LATS1: variants seen among roughly 807,000 people sequenced by gnomAD.
LATS1 encodes the protein serine/threonine-protein kinase LATS1.
In LATS1, 25 loss-of-function variants were observed where a neutral mutation model predicts 106.6. The ratio of observed to expected loss-of-function variants is 0.23; its 90% CI spans 0.17 to 0.33. The LOEUF (loss-of-function observed/expected upper bound fraction) is 0.33. Among genes scored for constraint, LATS1 ranks in the 10% least tolerant of loss-of-function variants. The probability of loss-of-function intolerance (pLI) is 1.00; values close to 1 mark genes in which losing one functional copy is unlikely to be tolerated. For missense variants in LATS1, 1,040 were observed against 1,382.6 expected, an observed-to-expected ratio of 0.75 and a Z score of 3.93; for synonymous variants, 465 against 455.6, an observed-to-expected ratio of 1.02 and a Z score of -0.26.
chr6:149,701,729 T>C (rs984992741), intron 2 of LATS1, 50 bp downstream of exon 2: 6 of 1,384,376 alleles, frequency 4.3e-6, no homozygotes, highest in South Asian at 2.7e-5. Flanking sequence ...AAAAGTGTTA[T>C]GTAGCATAAG....
intron 3 of LATS1, among the ~76,000 whole-genome samples, chr6:149,685,752 T>C (rs1420767614): frequency 6.6e-6 from 1 of 151,784 alleles, no homozygotes; most frequent in Non-Finnish European, 1.5e-5. Flanking sequence ...AAATAAAGTA[T>C]AGATTTTACA....
intron 1 of LATS1, among the ~76,000 whole-genome samples, chr6:149,707,631 C>G (rs1311007161): frequency 6.6e-6 from 1 of 152,112 alleles, no homozygotes; most frequent in Non-Finnish European, 1.5e-5. Flanking sequence ...GGACTGAGTT[C>G]TGGTATATGT....
chr6:149,690,163 C>T (rs1299054403), intron 3 of LATS1, among the ~76,000 whole-genome samples: 2 of 150,248 alleles, frequency 1.3e-5, no homozygotes, highest in African/African-American at 2.4e-5. Flanking sequence ...CTGTTAAATA[C>T]AATGATAAAC....
At chr6:149,670,985 C>G (rs949710050) in intron 7 of LATS1, among the ~76,000 whole-genome samples, 2 of 151,668 alleles carry the variant, frequency 1.3e-5, no homozygotes, top group Non-Finnish European at 2.9e-5. Context: ...GAACTCTTTA[C>G]CTAACTCCAG....
rs1246708405 is a variant in LATS1, at chr6:149,702,100, T to G, written c.27A>C (p.Gly9=). The G allele has an allele frequency of 3.1e-6, 5 of 1,610,236 alleles. No homozygotes were observed. Among genetic ancestry groups the G allele is most frequent in the Non-Finnish European group, 3.4e-6 (4 of 1,178,236 alleles). Residue 9 remains glycine, a synonymous_variant, in exon 2 of 8, where the codon GGA becomes GGC. Coordinates refer to ENST00000543571, the MANE Select transcript of LATS1 (RefSeq NM_004690.4). Reference sequence around the variant, plus strand: ...AGGTCTTAGGCCTCATTTGTCTATATCCTTCTGGCTTTTCACTCCTCTTCA... The same window carrying G: ...AGGTCTTAGGCCTCATTTGTCTATAGCCTTCTGGCTTTTCACTCCTCTTCA... MKRSEKPE[G]YRQMRPKTFP... is the part of the protein sequence containing the mutation.
At chr6:149,667,775 A>T (rs1201613626) in intron 7 of LATS1, among the ~76,000 whole-genome samples, 1 of 152,214 alleles carries the variant, frequency 6.6e-6, no homozygotes, top group Non-Finnish European at 1.5e-5. Context: ...TACAGAAAAA[A>T]AATTATTGAA....
intron 7 of LATS1, among the ~76,000 whole-genome samples, chr6:149,671,898 T>C (rs779900126): frequency 3.3e-5 from 5 of 150,948 alleles, no homozygotes; most frequent in Non-Finnish European, 7.4e-5. Flanking sequence ...ATTTCTTTCT[T>C]TTTTTTTTGA....
At chr6:149,714,747 C>T (rs1784295847) in intron 1 of LATS1, among the ~76,000 whole-genome samples, 1 of 152,108 alleles carries the variant, frequency 6.6e-6, no homozygotes. Flanking sequence ...GAAAAGCAGC[C>T]TGTTATCATG....
chr6:149,673,836 G>A (rs562220533), intron 7 of LATS1, among the ~76,000 whole-genome samples: 2 of 151,534 alleles, frequency 1.3e-5, no homozygotes, highest in East Asian at 2.0e-4. Context: ...CACCATGCAC[G>A]GCTAATTTTT....
In LATS1 at chr6:149,661,610, G is replaced by A. The variant is rs1045829094; in HGVS notation, c.*119C>T. 2.7e-6 allele frequency: 2 copies of A among 727,888 alleles called. No homozygotes were observed. The highest frequency in any genetic ancestry group is 4.3e-6 in the Non-Finnish European group (2 of 467,302). 45.1% of individuals were successfully genotyped at this position (727,888 alleles called of 1,614,324 possible). On this transcript the variant is annotated 3_prime_UTR_variant, in exon 8 of 8. Transcript: ENST00000543571. Reference sequence around the variant, plus strand: ...CCATAATTTAGGAAAATAAAATATTGTACACAGAGCACACATATATAGCTC... The same window carrying A: ...CCATAATTTAGGAAAATAAAATATTATACACAGAGCACACATATATAGCTC...
At position 149,702,109 on chromosome 6, in the gene LATS1, C is replaced by T. The variant is rs774994654; in HGVS notation, c.18G>A (p.Lys6=). 4 of 1,606,752 alleles carry T rather than the reference C, an allele frequency of 2.5e-6. No homozygotes were observed. The highest frequency in any genetic ancestry group is 3.4e-6 in the Non-Finnish European group (4 of 1,176,240). ...GCCTCATTTGTCTATATCCTTCTGG[C>T]TTTTCACTCCTCTTCATGAAAACAT... MKRSE[K]PEGYRQMRPK... Residue 6 remains lysine (K), a synonymous_variant, in exon 2 of 8, where the codon AAG becomes AAA. Transcript: ENST00000543571.
At chr6:149,716,638 TGTA>T (rs1784408443) in intron 1 of LATS1, among the ~76,000 whole-genome samples, 3 of 152,164 alleles carry the variant, frequency 2.0e-5, no homozygotes, top group African/African-American at 7.2e-5. Context: ...ACATTAAAAA[TGTA>T]GTAGAAGTAT....
In LATS1 at chr6:149,695,206, C is replaced by T. The variant is rs1167340767; in HGVS notation, c.364G>A (p.Ala122Thr). The T allele has an allele frequency of 1.3e-6, 2 of 1,595,746 alleles. No homozygotes were observed. Among genetic ancestry groups the T allele is most frequent in the Non-Finnish European group, 1.7e-6 (2 of 1,168,238 alleles). ...AGFDEDMVIQALQKTNNRSIE... is the reference protein window; with the variant it reads ...AGFDEDMVIQTLQKTNNRSIE... The stretch of plus-strand genomic sequence containing the variant: ...CTTCTGTTGTTAGTTTTCTGAAGAG[C>T]TTGTATAACCATATCCTGATATGAA... Residue 122 changes from alanine (A) to threonine (T), a missense_variant, in exon 3 of 8, where the codon GCT becomes ACT. Transcript: ENST00000543571.
Position 149,704,748 on chromosome 6 carries a change from C to T in LATS1, c.-140-2482G>A, listed in dbSNP as rs1385177196. Among the ~76,000 whole-genome samples, 4 of 152,050 alleles carry T rather than the reference C, an allele frequency of 2.6e-5. No individual in the cohort carries two copies. In the South Asian group the frequency reaches 6.2e-4, roughly 24 times the overall value. Reference sequence around the variant, plus strand: ...AGGTAAGCCTCCTGCCTCAGCCTCCCAAAGTGGTGGGATTATAGGCATGAG... The same window carrying T: ...AGGTAAGCCTCCTGCCTCAGCCTCCTAAAGTGGTGGGATTATAGGCATGAG... On this transcript the variant is annotated intron_variant, in intron 1 of 7. Transcript: ENST00000543571.
In LATS1 at chr6:149,695,804, A is replaced by C. The variant is rs116527132; in HGVS notation, c.349-583T>G. Among the ~76,000 whole-genome samples, 795 of 152,090 alleles carry C rather than the reference A, an allele frequency of 5.2e-3. 7 individuals carry two copies. The highest frequency in any genetic ancestry group is 0.019 in the African/African-American group (768 of 41,510). On this transcript the variant is annotated intron_variant, in intron 2 of 7. Transcript: ENST00000543571. Reference sequence around the variant, plus strand: ...AACGTCTTTTTTTAAAGTATTTTTAAATTTTTATTTTTTTCAACACACCAT... The same window carrying C: ...AACGTCTTTTTTTAAAGTATTTTTACATTTTTATTTTTTTCAACACACCAT...
chr6:149,680,643 TA>T (rs1781984867), intron 4 of LATS1, among the ~76,000 whole-genome samples, 186 bp from the exon 5 acceptor site: 1 of 149,812 alleles, frequency 6.7e-6, no homozygotes, highest in Admixed American at 6.8e-5. Flanking sequence ...AAGGGGTAGT[TA>T]AAAGGATATT....
chr6:149,685,702 A>G (rs1238249409), intron 3 of LATS1, among the ~76,000 whole-genome samples: 2 of 152,138 alleles, frequency 1.3e-5, no homozygotes, highest in Non-Finnish European at 2.9e-5. Flanking sequence ...TATGGTTTTT[A>G]AAACAGAAAA....
At chr6:149,692,786 T>C (rs1229971220) in intron 3 of LATS1, among the ~76,000 whole-genome samples, 1 of 151,944 alleles carries the variant, frequency 6.6e-6, no homozygotes, top group Non-Finnish European at 1.5e-5. Flanking sequence ...ACAATTCTCC[T>C]GCCTGAGCCT....
Position 149,683,256 on chromosome 6 carries a change from T to C in LATS1, c.1833A>G (p.Thr611=). ...TTTTCCTAACAGTAATAGGTGAAGT[T>C]GTAATCTGTTTCTTTTCTTTATCCC... ...DSGDKEKKQI[T]TSPITVRKNK... The change falls in exon 4 of 8, where the codon ACA becomes ACG. Residue 611 remains threonine (T), a synonymous_variant. Transcript: ENST00000543571. 6.2e-7 allele frequency: 1 copy of C among 1,614,130 alleles called. No homozygotes were observed. Among genetic ancestry groups the C allele is most frequent in the Non-Finnish European group, 8.5e-7 (1 of 1,179,968 alleles).
Sources: allele counts gnomAD v4.1 joint callset (sites outside exome capture counted in the v4.1 genomes callset), GRCh38; gene constraint gnomAD v4.1.1; transcripts MANE v1.5; gene names NCBI Gene and HGNC (gene_info 2026-07-23, HGNC 2026-07-21).